Variants in SLC35B3 observed in about 807,000 individuals in gnomAD.
SLC35B3 encodes solute carrier family 35 member B3, also known as adenosine 3'-phospho 5'-phosphosulfate transporter 2.
In SLC35B3, 35 loss-of-function variants were observed where a neutral mutation model predicts 44.1. The observed-to-expected ratio is 0.79, with a 90% CI of 0.61 to 1.05. The LOEUF is 1.05. Among genes scored for constraint, SLC35B3 ranks in the 50% least tolerant of loss-of-function variants. The probability of loss-of-function intolerance (pLI) is 0.00; values close to 1 mark genes in which losing one functional copy is unlikely to be tolerated. For synonymous variants in SLC35B3, 146 were observed against 167.3 expected, an observed-to-expected ratio of 0.87 and a Z score of 0.98; for missense variants, 414 against 476.4, an observed-to-expected ratio of 0.87 and a Z score of 1.22.
Position 8,430,156 on chromosome 6 carries a change from T to C in SLC35B3, c.5A>G (p.Asp2Gly), listed in dbSNP as rs1333913627. The change falls in exon 3 of 11, where the codon GAC (aspartate) becomes GGC (glycine). Residue 2 changes from aspartate to glycine, a missense_variant and splice_region_variant. By Grantham distance (94) the Asp-to-Gly change is moderately conservative (BLOSUM62 -1). Coordinates refer to ENST00000644923, the MANE Select transcript of SLC35B3 (RefSeq NM_001370476.2). Reference sequence around the variant, plus strand: ...TATGTCTTTTGCTTGCTGTGTCAAGTCCTAGAGAAGGAAATAAGCAATTAA... The same window carrying C: ...TATGTCTTTTGCTTGCTGTGTCAAGCCCTAGAGAAGGAAATAAGCAATTAA... The C allele has an allele frequency of 2.6e-6, 4 of 1,555,352 alleles. No homozygotes were observed. Among genetic ancestry groups the C allele is most frequent in the Non-Finnish European group, 2.6e-6 (3 of 1,155,244 alleles).
chr6:8,412,723 C>T lies in SLC35B3; in HGVS notation c.*826G>A, dbSNP rs2113206367. The stretch of plus-strand genomic sequence containing the variant: ...AGGATAAAACTATGAAACTGTTCCA[C>T]TTCAGATCATCAGGCATTAGATTCT... On this transcript the variant is annotated 3_prime_UTR_variant, in exon 11 of 11. Coordinates refer to ENST00000644923, the MANE Select transcript of SLC35B3 (RefSeq NM_001370476.2). 6.6e-6 allele frequency among the ~76,000 whole-genome samples: 1 copy of T among 152,326 alleles called. No individual in the cohort carries two copies. Among genetic ancestry groups the T allele is most frequent in the South Asian group, 2.1e-4 (1 of 4,828 alleles).
In SLC35B3 at chr6:8,429,993, T is replaced by A. The variant is rs1365427353; in HGVS notation, c.168A>T (p.Ser56=). ...CGTCGTCAACTGACTTGATGTGTGGTGACATTGTTTGGGTTTTGGATGGCA... is the reference window on the plus strand; with the variant it reads ...CGTCGTCAACTGACTTGATGTGTGGAGACATTGTTTGGGTTTTGGATGGCA... The change falls in exon 3 of 11, where the codon TCA becomes TCT. Residue 56 remains serine (S), a synonymous_variant. Coordinates refer to ENST00000644923, the MANE Select transcript of SLC35B3 (RefSeq NM_001370476.2). The A allele has an allele frequency of 2.5e-6, 4 of 1,613,852 alleles. No homozygotes were observed. The highest frequency in any genetic ancestry group is 2.5e-6 in the Non-Finnish European group (3 of 1,179,946).
intron 4 of SLC35B3, among the ~76,000 whole-genome samples, chr6:8,426,063 C>T (rs1291499410): frequency 6.6e-6 from 1 of 152,162 alleles, no homozygotes; most frequent in African/African-American, 2.4e-5. Flanking sequence ...CCTCAGCTAT[C>T]GGACATCATA....
chr6:8,430,120 G>A lies in SLC35B3; in HGVS notation c.41C>T (p.Thr14Ile), dbSNP rs1036375845. 2 of 1,606,676 alleles carry A rather than the reference G, an allele frequency of 1.2e-6. No individual in the cohort carries two copies. Among genetic ancestry groups the A allele is most frequent in the Non-Finnish European group, 1.7e-6 (2 of 1,176,852 alleles). The change falls in exon 3 of 11, where the codon ACA becomes ATA. Residue 14 changes from threonine (T) to isoleucine (I), a missense_variant. By Grantham distance (89) the Thr-to-Ile change is moderately conservative. Transcript: ENST00000644923. ...GTTATTTTTGTTGGTTTCCTGGACT[G>A]TTATGTTCTGTATGTCTTTTGCTTG...
intron 5 of SLC35B3, among the ~76,000 whole-genome samples, chr6:8,422,121 C>T (rs546343821): frequency 2.0e-4 from 31 of 152,264 alleles, no homozygotes; most frequent in African/African-American, 7.5e-4. Flanking sequence ...TCGTCTGCCT[C>T]AGCCTCCCAA....
rs1561770468 is a variant in SLC35B3 at position 8,435,281 on chromosome 6, GTTT to G, written c.-44+59_-44+61del. 4.7e-6 allele frequency: 6 copies of G among 1,289,234 alleles called. No homozygotes were observed. Among genetic ancestry groups the G allele is most frequent in the Non-Finnish European group, 6.1e-6 (6 of 988,870 alleles). The allele number at this position is 1,289,234 out of a possible 1,614,324, so 79.9% of individuals were successfully genotyped here. On this transcript the variant is annotated intron_variant, in intron 1 of 10. Transcript: ENST00000644923. This position sits in a 1 kb window ranked among gnomAD's most constrained non-coding sequence, Gnocchi z 5.5. ...GATGAGGAAGATGGGCAGTGTCAAG[GTTT>G]TCTGGAGGAGAGGAGATCTGGGTCC...
rs1427067599 is a variant in SLC35B3, at chr6:8,432,610, G to GT, written c.3+1774dup. On this transcript the variant is annotated intron_variant, in intron 2 of 10. Transcript: ENST00000644923. The surrounding 1 kb of genome is among the most constrained non-coding windows in gnomAD (Gnocchi z 4.8). ...TTAGCTGAGGAGCCTTGGGCAAATC[G>GT]TTTAACTTTTCTGAGCTTTAGGTTC... is the stretch of plus-strand genomic sequence containing the variant. 5.9e-5 allele frequency among the ~76,000 whole-genome samples: 9 copies of GT among 152,122 alleles called. No homozygotes were observed. The highest frequency in any genetic ancestry group is 1.3e-4 in the Admixed American group (2 of 15,274).
At chr6:8,428,135 A>C in intron 3 of SLC35B3, 77 bp from the exon 3 acceptor site, 1 of 1,316,910 alleles carries the variant, frequency 7.6e-7, no homozygotes, top group Non-Finnish European at 9.9e-7. Context: ...TAGAAACACA[A>C]CATTTTTAAA....
chr6:8,434,735 A>G lies in SLC35B3; in HGVS notation c.-43-305T>C, dbSNP rs762342683. Reference sequence around the variant, plus strand: ...ATCCTAATGTAGAAAAAATGCAGATACTCAACACTTAAGATTTTGTTAGCG... The same window carrying G: ...ATCCTAATGTAGAAAAAATGCAGATGCTCAACACTTAAGATTTTGTTAGCG... On this transcript the variant is annotated intron_variant, in intron 1 of 10. Coordinates refer to ENST00000644923, the MANE Select transcript of SLC35B3 (RefSeq NM_001370476.2). The surrounding 1 kb of genome is among the most constrained non-coding windows in gnomAD (Gnocchi z 6.3). Among the ~76,000 whole-genome samples, 13 of 152,188 alleles carry G rather than the reference A, an allele frequency of 8.5e-5. No homozygotes were observed. The highest frequency in any genetic ancestry group is 1.8e-4 in the Non-Finnish European group (12 of 68,036).
In SLC35B3 at chr6:8,413,667, C is replaced by G; in HGVS notation, c.1088G>C (p.Gly363Ala). The G allele has an allele frequency of 6.4e-7, 1 of 1,572,220 alleles. No individual in the cohort carries two copies. The highest frequency in any genetic ancestry group is 8.7e-7 in the Non-Finnish European group (1 of 1,150,148). Residue 363 changes from glycine (G) to alanine (A), a missense_variant, in exon 11 of 11, where the codon GGT becomes GCT. Physicochemically the swap from Gly to Ala is moderately conservative, Grantham distance 60. Coordinates refer to ENST00000644923, the MANE Select transcript of SLC35B3 (RefSeq NM_001370476.2). Reference sequence around the variant, plus strand: ...TTTGCTGTAAACATTAAGAAATATACCAAGGACAACTAACAAACCAGACCA... The same window carrying G: ...TTTGCTGTAAACATTAAGAAATATAGCAAGGACAACTAACAAACCAGACCA...
rs893539222 is a variant in SLC35B3 at position 8,432,256 on chromosome 6, T to A, written c.4-2099A>T. Among the ~76,000 whole-genome samples the A allele has an allele frequency of 1.3e-5, 2 of 151,976 alleles. No individual in the cohort carries two copies. On this transcript the variant is annotated intron_variant, in intron 2 of 10. Transcript: ENST00000644923. The surrounding 1 kb of genome is among the most constrained non-coding windows in gnomAD (Gnocchi z 4.8). ...AATGGATGGTGGTACTGGCAAACTT[T>A]ATGAGCAAAACTGAAAATCTTATAG...
chr6:8,435,445 T>TTCCTCC lies in SLC35B3; in HGVS notation c.-152_-147dup, dbSNP rs372338022. 3 of 1,215,458 alleles carry TTCCTCC rather than the reference T, an allele frequency of 2.5e-6. No homozygotes were observed. Among genetic ancestry groups the TTCCTCC allele is most frequent in the African/African-American group, 1.6e-5 (1 of 64,302 alleles). The allele number at this position is 1,215,458 out of a possible 1,614,324, so 75.3% of individuals were successfully genotyped here. A position where few individuals can be genotyped will look rare whatever the true frequency, so the allele number is the denominator to read the frequency against. On this transcript the variant is annotated 5_prime_UTR_variant, in exon 1 of 11. Coordinates refer to ENST00000644923, the MANE Select transcript of SLC35B3 (RefSeq NM_001370476.2). The surrounding 1 kb of genome is among the most constrained non-coding windows in gnomAD (Gnocchi z 5.5). ...CCTGGTCCGTCGCCATCACCTCCTCTTCCTCCTCCTCCTCGCCCACTCCTG... is the reference window on the plus strand; with the variant it reads ...CCTGGTCCGTCGCCATCACCTCCTCTTCCTCCTCCTCCTCCTCCTCGCCCACTCCTG...
At chr6:8,429,683 A>G in intron 3 of SLC35B3, 181 bp downstream of exon 2, 1 of 449,570 alleles carries the variant, frequency 2.2e-6, no homozygotes, top group Non-Finnish European at 3.8e-6. Context: ...CCCCACTTAA[A>G]TTATTTAACT....
chr6:8,417,853 TAA>T (rs966757982), intron 7 of SLC35B3, among the ~76,000 whole-genome samples: 4 of 152,002 alleles, frequency 2.6e-5, no homozygotes, highest in African/African-American at 9.7e-5. Flanking sequence ...ATAAAAAAAT[TAA>T]GTTTCTAAAA....
rs1762468167 is a variant in SLC35B3 at position 8,416,975 on chromosome 6, AC to A, written c.893del (p.Gly298ValfsTer20). The A allele has an allele frequency of 6.3e-7, 1 of 1,599,832 alleles. No individual in the cohort carries two copies. The highest frequency in any genetic ancestry group is 1.3e-5 in the African/African-American group (1 of 74,162). On this transcript the variant is annotated frameshift_variant, in exon 9 of 11. Transcript: ENST00000644923. LOFTEE classifies it high-confidence loss of function. ...CAGTGAGGGAAAAAAGGAACGCATAACCATAGGTCCGAACTGGATTCTGCAA... is the reference window on the plus strand; with the variant it reads ...CAGTGAGGGAAAAAAGGAACGCATAACATAGGTCCGAACTGGATTCTGCAA...
intron 3 of SLC35B3, among the ~76,000 whole-genome samples, chr6:8,429,572 G>A (rs994506156): frequency 2.0e-5 from 3 of 152,006 alleles, no homozygotes; most frequent in African/African-American, 7.2e-5. Flanking sequence ...CAATCAATAC[G>A]TGAATCATTG....
In SLC35B3 at chr6:8,430,099, T is replaced by C. The variant is rs1763822153; in HGVS notation, c.62A>G (p.Asn21Ser). The stretch of plus-strand genomic sequence containing the variant: ...GCTGCATTCAATGCTTTCAGAGTTA[T>C]TTTTGTTGGTTTCCTGGACTGTTAT... Residue 21 changes from asparagine (N) to serine (S), a missense_variant, in exon 3 of 11, where the codon AAT becomes AGT. Coordinates refer to ENST00000644923, the MANE Select transcript of SLC35B3 (RefSeq NM_001370476.2). 3 of 1,612,952 alleles carry C rather than the reference T, an allele frequency of 1.9e-6. No individual in the cohort carries two copies. Among genetic ancestry groups the C allele is most frequent in the Non-Finnish European group, 2.5e-6 (3 of 1,179,420 alleles).
At position 8,414,867 on chromosome 6, in the gene SLC35B3, T is replaced by C. The variant is rs759852091; in HGVS notation, c.1055+41A>G. On this transcript the variant is annotated intron_variant, in intron 10 of 10. Transcript: ENST00000644923. ...TTAAGAGGAAATGTGAAACACAGTA[T>C]CTAAAAACTGAGAAAAATTGTTTAA... 20 of 1,174,178 alleles carry C rather than the reference T, an allele frequency of 1.7e-5. No homozygotes were observed. The East Asian group carries it at 4.1e-4, about 24-fold the overall frequency. The allele number at this position is 1,174,178 out of a possible 1,614,324, so 72.7% of individuals were successfully genotyped here.
chr6:8,427,815 AC>A (rs1763563748), intron 4 of SLC35B3, 121 bp downstream of exon 3: 1 of 732,152 alleles, frequency 1.4e-6, no homozygotes, highest in South Asian at 2.4e-5. Flanking sequence ...TAAGTTAGTT[AC>A]ACTAAGAGTT....
Sources: gnomAD v4.1 joint callset for allele counts (sites outside exome capture counted in the v4.1 genomes callset) on GRCh38, gnomAD v4.1.1 for gene constraint, Gnocchi (gnomAD v3.1) non-coding constraint, MANE v1.5 for transcripts, NCBI Gene and HGNC (gene_info 2026-07-23, HGNC 2026-07-21) for gene names.